Variants in APPBP2 observed in about 807,000 individuals in gnomAD.
The protein encoded by APPBP2 is amyloid beta precursor protein binding protein 2, also known as amyloid protein-binding protein 2.
In APPBP2, 15 loss-of-function variants were observed where a neutral mutation model predicts 76.0. The observed-to-expected ratio is 0.20, with a 90% CI of 0.13 to 0.30. The LOEUF is 0.30. Among genes scored for constraint, APPBP2 ranks in the 10% least tolerant of loss-of-function variants. The pLI, the probability that APPBP2 is intolerant of heterozygous loss-of-function variation, is 1.00. For synonymous variants in APPBP2, 222 were observed against 242.2 expected, an observed-to-expected ratio of 0.92 and a Z score of 0.77; for missense variants, 401 against 687.2, an observed-to-expected ratio of 0.58 and a Z score of 4.66.
intron 3 of APPBP2, among the ~76,000 whole-genome samples, chr17:60,490,724 C>A (rs913806706): frequency 2.6e-5 from 4 of 152,138 alleles, no homozygotes; most frequent in African/African-American, 7.2e-5. Context: ...ATAACTGAAT[C>A]ATGGGGGCAG....
chr17:60,469,621 T>C (rs955595131), intron 4 of APPBP2, among the ~76,000 whole-genome samples: 41 of 152,222 alleles, frequency 2.7e-4, no homozygotes, highest in African/African-American at 9.4e-4. Flanking sequence ...ACATATTTCA[T>C]GTAAGTGGAA....
intron 12 of APPBP2, among the ~76,000 whole-genome samples, chr17:60,449,847 G>A (rs1310083610): frequency 6.6e-6 from 1 of 152,004 alleles, no homozygotes. Context: ...ACACAGGCTG[G>A]AGTGCACAGT....
intron 1 of APPBP2, among the ~76,000 whole-genome samples, chr17:60,520,298 C>T (rs962027027): frequency 6.6e-6 from 1 of 152,104 alleles, no homozygotes; most frequent in Admixed American, 6.5e-5. Flanking sequence ...GGAGGCCGGG[C>T]GCAGTGGCTC....
intron 2 of APPBP2, 66 bp downstream of exon 2, chr17:60,500,333 T>C: frequency 8.7e-7 from 1 of 1,143,078 alleles, no homozygotes; most frequent in Non-Finnish European, 1.3e-6. Flanking sequence ...TTAATGCCAC[T>C]CAATTCGGTT....
rs114227948 is a variant in APPBP2, at chr17:60,471,784, T to C, written c.504-5325A>G. Among the ~76,000 whole-genome samples the C allele has an allele frequency of 4.4e-3, 673 of 152,278 alleles. 4 individuals are homozygous for C. The highest frequency in any genetic ancestry group is 0.015 in the African/African-American group (614 of 41,566). Reference sequence around the variant, plus strand: ...GATACTCGTCTGAAATTGCCTTTTTTGTGATGTCATTTTTGGTCTTTGGTA... The same window carrying C: ...GATACTCGTCTGAAATTGCCTTTTTCGTGATGTCATTTTTGGTCTTTGGTA... On this transcript the variant is annotated intron_variant, in intron 4 of 12. Coordinates refer to ENST00000083182, the MANE Select transcript of APPBP2 (RefSeq NM_006380.5).
chr17:60,517,447 C>T lies in APPBP2; in HGVS notation c.138+8347G>A, dbSNP rs530209681. ...AATATAGCACCAATTTATCACACTT[C>T]CTTTATATTTAACCACTTTGAGATC... On this transcript the variant is annotated intron_variant, in intron 1 of 12. Coordinates refer to ENST00000083182, the MANE Select transcript of APPBP2 (RefSeq NM_006380.5). 3.3e-5 allele frequency among the ~76,000 whole-genome samples: 5 copies of T among 152,254 alleles called. No individual in the cohort carries two copies. The South Asian group carries it at 1.0e-3, about 32-fold the overall frequency.
chr17:60,459,517 G>C (rs771453428), intron 9 of APPBP2: 1 of 128,856 alleles, frequency 7.8e-6, no homozygotes, highest in Non-Finnish European at 1.5e-5. Flanking sequence ...TTTGGAGACA[G>C]AGTCTCACTC....
chr17:60,522,232 T>G (rs1440410177), intron 1 of APPBP2, among the ~76,000 whole-genome samples: 2 of 152,242 alleles, frequency 1.3e-5, no homozygotes, highest in Non-Finnish European at 2.9e-5. Context: ...TTAGACTTCC[T>G]GTATAAAAGC....
intron 2 of APPBP2, 21 bp downstream of exon 2, chr17:60,500,378 A>G (rs376080179): frequency 3.3e-6 from 5 of 1,518,262 alleles, no homozygotes; most frequent in Non-Finnish European, 4.5e-6. Context: ...ATATTTTACA[A>G]TTTTTTAAAA....
chr17:60,491,609 T>C (rs1197427299), intron 3 of APPBP2, among the ~76,000 whole-genome samples: 2 of 152,006 alleles, frequency 1.3e-5, no homozygotes, highest in South Asian at 2.1e-4. Context: ...CAGGCCCGGC[T>C]AGTTTTTGTA....
rs1217329543 is a variant in APPBP2, at chr17:60,445,837, G to A, written c.*1744C>T. On this transcript the variant is annotated 3_prime_UTR_variant, in exon 13 of 13. Coordinates refer to ENST00000083182, the MANE Select transcript of APPBP2 (RefSeq NM_006380.5). ...AATCACACAGTTACCATCTTAGGGT[G>A]TGGGTTTGCTTCATCTCTTTCAGTA... 6.6e-6 allele frequency: 1 copy of A among 152,198 alleles called. No homozygotes were observed. Among genetic ancestry groups the A allele is most frequent in the Non-Finnish European group, 1.5e-5 (1 of 68,074 alleles). The allele number at this position is 152,198 out of a possible 1,614,324, so 9.4% of individuals were successfully genotyped here. A position where few individuals can be genotyped will look rare whatever the true frequency, so the allele number is the denominator to read the frequency against.
chr17:60,499,397 G>A (rs2090803926), intron 2 of APPBP2, among the ~76,000 whole-genome samples: 1 of 151,696 alleles, frequency 6.6e-6, no homozygotes, highest in African/African-American at 2.4e-5. Flanking sequence ...TAAGAGTTGG[G>A]TGCAGTGGCA....
At chr17:60,481,721 T>C (rs935294946) in intron 3 of APPBP2, among the ~76,000 whole-genome samples, 3 of 152,200 alleles carry the variant, frequency 2.0e-5, no homozygotes, top group Non-Finnish European at 4.4e-5. Context: ...ATTTTCTCTG[T>C]TCAAAACAAA....
At chr17:60,515,737 A>G (rs2090958221) in intron 1 of APPBP2, among the ~76,000 whole-genome samples, 1 of 152,236 alleles carries the variant, frequency 6.6e-6, no homozygotes, top group Non-Finnish European at 1.5e-5. Flanking sequence ...TTTGAGAGAA[A>G]CAACATTCAG....
At chr17:60,522,089 T>C (rs925231493) in intron 1 of APPBP2, among the ~76,000 whole-genome samples, 3 of 152,216 alleles carry the variant, frequency 2.0e-5, no homozygotes, top group Non-Finnish European at 4.4e-5. Context: ...AATGCATTTC[T>C]CAGAACATAT....
intron 1 of APPBP2, 64 bp downstream of exon 1, chr17:60,525,730 G>A: frequency 3.1e-6 from 5 of 1,606,076 alleles, no homozygotes; most frequent in East Asian, 4.5e-5. Context: ...GTTCGCAGAC[G>A]TGGAAGGGGG....
intron 3 of APPBP2, among the ~76,000 whole-genome samples, chr17:60,482,217 A>G (rs2090635454): frequency 6.6e-6 from 1 of 152,198 alleles, no homozygotes; most frequent in African/African-American, 2.4e-5. Flanking sequence ...ATTTTAAGAA[A>G]TGTGTTCCTT....
intron 2 of APPBP2, chr17:60,496,482 C>A (rs2090776448): frequency 6.6e-6 from 1 of 152,162 alleles, no homozygotes; most frequent in African/African-American, 2.4e-5. Context: ...ATCTTTACAA[C>A]AGCCACGTTT....
intron 3 of APPBP2, among the ~76,000 whole-genome samples, chr17:60,486,354 G>A (rs1197178829): frequency 6.6e-6 from 1 of 152,110 alleles, no homozygotes; most frequent in Non-Finnish European, 1.5e-5. Context: ...AGGTCTCTAA[G>A]GACTTGCCTT....
Sources: allele counts gnomAD v4.1 joint callset (sites outside exome capture counted in the v4.1 genomes callset), GRCh38; gene constraint gnomAD v4.1.1; transcripts MANE v1.5; gene names NCBI Gene and HGNC (gene_info 2026-07-23, HGNC 2026-07-21).